TTC28: variants seen among roughly 807,000 people sequenced by gnomAD.
TTC28 encodes tetratricopeptide repeat domain 28, also known as tetratricopeptide repeat protein 28.
In TTC28, 61 loss-of-function variants were observed where a neutral mutation model predicts 198.0. That is an observed-to-expected ratio of 0.31 (90% CI 0.25 to 0.38). The LOEUF (loss-of-function observed/expected upper bound fraction) is 0.38. Ranked by LOEUF, TTC28 falls within the 10% of genes least tolerant of loss-of-function variation. The pLI, the probability that TTC28 is intolerant of heterozygous loss-of-function variation, is 1.00. For synonymous variants in TTC28, 1,171 were observed against 1,297.8 expected (o/e 0.90, Z 2.10); for missense variants, 2,678 against 3,164.0 (o/e 0.85, Z 3.69).
intron 2 of TTC28, among the ~76,000 whole-genome samples, chr22:28,412,721 T>C (rs1032550526): frequency 6.6e-6 from 1 of 152,248 alleles, no homozygotes; most frequent in Non-Finnish European, 1.5e-5. Context: ...ATTTCACAAT[T>C]TCAGCATGGA....
At chr22:28,466,086 T>C (rs970515773) in intron 2 of TTC28, among the ~76,000 whole-genome samples, 1 of 152,222 alleles carries the variant, frequency 6.6e-6, no homozygotes, top group African/African-American at 2.4e-5. Context: ...ACTACAGAGT[T>C]TATTGCTAAG....
intron 1 of TTC28, among the ~76,000 whole-genome samples, chr22:28,653,774 G>A (rs2051600876): frequency 6.6e-6 from 1 of 152,010 alleles, no homozygotes; most frequent in African/African-American, 2.4e-5. Context: ...CCTTTTGTTA[G>A]CTCCCTTATA....
intron 2 of TTC28, among the ~76,000 whole-genome samples, chr22:28,335,166 G>C (rs1465529081): frequency 6.6e-6 from 1 of 152,154 alleles, no homozygotes; most frequent in Non-Finnish European, 1.5e-5. Flanking sequence ...GAGAGTCATA[G>C]ATATGTGGCA....
Position 27,983,455 on chromosome 22 carries a change from T to G in TTC28, c.6212A>C (p.Gln2071Pro). 1 of 1,545,902 alleles carries G rather than the reference T, an allele frequency of 6.5e-7. No homozygotes were observed. The highest frequency in any genetic ancestry group is 1.4e-5 in the African/African-American group (1 of 72,470). ...IISNEPLATY[Q>P]ENRNTCFSPD... is the part of the protein sequence containing the mutation. ...TGAGAAGCATGTGTTTCGGTTTTCT[T>G]GGTAGGTCGCCAAGGGCTCGTTACT... The change falls in exon 23 of 23, where the codon CAA becomes CCA. Residue 2071 changes from glutamine (Q) to proline (P), a missense_variant. Physicochemically the swap from Gln to Pro is moderately conservative, Grantham distance 76 (BLOSUM62 -1). Around this residue, in one of 8 missense-constraint regions of TTC28, gnomAD observed 622 missense variants for 656.0 expected, o/e 0.95. Transcript: ENST00000397906.
chr22:28,127,510 T>C lies in TTC28; in HGVS notation c.1442-19107A>G, dbSNP rs181033513. The stretch of plus-strand genomic sequence containing the variant: ...CTGTCCAATAACATAGCTGAGCACT[T>C]GAAATGTGGCTAGTCCAAACTGAGA... On this transcript the variant is annotated intron_variant, in intron 6 of 22. Transcript: ENST00000397906. 1.8e-4 allele frequency among the ~76,000 whole-genome samples: 28 copies of C among 152,290 alleles called. No homozygotes were observed. The East Asian group carries it at 4.6e-3, about 25-fold the overall frequency.
chr22:28,001,675 T>G (rs1937700187), intron 14 of TTC28, 122 bp from the exon 15 acceptor site: 2 of 1,203,126 alleles, frequency 1.7e-6, no homozygotes, highest in Non-Finnish European at 2.3e-6. Context: ...CCTGTGGGGG[T>G]GTGGGGCGCC....
chr22:28,433,585 ATT>A (rs1435921079), intron 2 of TTC28, among the ~76,000 whole-genome samples: 1 of 152,220 alleles, frequency 6.6e-6, no homozygotes, highest in Non-Finnish European at 1.5e-5. Flanking sequence ...AATAAATAAT[ATT>A]TGTGTCACTA....
intron 2 of TTC28, among the ~76,000 whole-genome samples, chr22:28,346,459 G>A (rs545372373): frequency 3.9e-5 from 6 of 152,140 alleles, no homozygotes; most frequent in Non-Finnish European, 8.8e-5. Context: ...TAAGACAGGT[G>A]ACACCAGCTC....
intron 12 of TTC28, among the ~76,000 whole-genome samples, chr22:28,060,824 T>G (rs1426919389): frequency 6.6e-6 from 1 of 152,180 alleles, no homozygotes; most frequent in Non-Finnish European, 1.5e-5. Context: ...ACCTGTTGTT[T>G]ACAGTACACC....
At position 28,105,529 on chromosome 22, in the gene TTC28, G is replaced by A. The variant is rs1942268821; in HGVS notation, c.3057C>T (p.Tyr1019=). The A allele has an allele frequency of 6.4e-7, 1 of 1,551,626 alleles. No homozygotes were observed. Among genetic ancestry groups the A allele is most frequent in the Admixed American group, 2.0e-5 (1 of 50,990 alleles). Residue 1019 remains tyrosine, a synonymous_variant, in exon 8 of 23, where the codon TAC becomes TAT. Coordinates refer to ENST00000397906, the MANE Select transcript of TTC28 (RefSeq NM_001145418.2). ...CTGCTATCTGTAGATCAAGCTGGTGGTACTGCAGGGCTGTGTCATACTCCC... is the reference window on the plus strand; with the variant it reads ...CTGCTATCTGTAGATCAAGCTGGTGATACTGCAGGGCTGTGTCATACTCCC... ...QMGEYDTALQ[Y]HQLDLQIAEE...
chr22:28,678,145 C>T (rs2052032102), intron 1 of TTC28, among the ~76,000 whole-genome samples: 1 of 152,086 alleles, frequency 6.6e-6, no homozygotes, highest in African/African-American at 2.4e-5. Flanking sequence ...AAGAAACATG[C>T]ATATTTTAAT....
At chr22:28,207,918 C>A (rs561945115) in intron 5 of TTC28, among the ~76,000 whole-genome samples, 1 of 152,128 alleles carries the variant, frequency 6.6e-6, no homozygotes, top group Non-Finnish European at 1.5e-5. Flanking sequence ...TATGGCAGAA[C>A]TTGACTCGCA....
intron 1 of TTC28, among the ~76,000 whole-genome samples, chr22:28,672,860 G>A (rs1430983563): frequency 3.9e-5 from 6 of 152,204 alleles, no homozygotes; most frequent in Non-Finnish European, 8.8e-5. Flanking sequence ...TAGCTATACT[G>A]CCCCTAGGCA....
intron 2 of TTC28, among the ~76,000 whole-genome samples, chr22:28,359,965 C>T (rs2046134269): frequency 6.6e-6 from 1 of 152,082 alleles, no homozygotes; most frequent in Non-Finnish European, 1.5e-5. Flanking sequence ...CCTACCCCAC[C>T]CCACCCTGCC....
At chr22:28,022,279 G>A (rs1938641785) in intron 13 of TTC28, among the ~76,000 whole-genome samples, 1 of 152,212 alleles carries the variant, frequency 6.6e-6, no homozygotes, top group South Asian at 2.1e-4. Context: ...TGAAGACCCT[G>A]TCCCCAGGTC....
intron 2 of TTC28, among the ~76,000 whole-genome samples, chr22:28,394,700 C>T (rs923347443): frequency 6.6e-6 from 1 of 152,176 alleles, no homozygotes; most frequent in Non-Finnish European, 1.5e-5. Flanking sequence ...GTTTTCTATT[C>T]AGTTTCACAG....
chr22:28,101,397 ACT>A (rs1942148193), intron 8 of TTC28, 117 bp from the exon 9 acceptor site: 1 of 860,000 alleles, frequency 1.2e-6, no homozygotes, highest in East Asian at 2.8e-5. Flanking sequence ...ACAGGGTCTC[ACT>A]CTGTTCCCCA....
At chr22:28,039,341 TA>T (rs1366543550) in intron 12 of TTC28, among the ~76,000 whole-genome samples, 2 of 151,952 alleles carry the variant, frequency 1.3e-5, no homozygotes, top group African/African-American at 4.8e-5. Context: ...TATGCAGCCA[TA>T]AAAAAGGATG....
chr22:28,237,186 C>G (rs1929313155), intron 5 of TTC28, among the ~76,000 whole-genome samples: 1 of 152,124 alleles, frequency 6.6e-6, no homozygotes, highest in East Asian at 1.9e-4. Flanking sequence ...CCACCCTTTT[C>G]TCTCCCTTTT....
Sources: allele counts gnomAD v4.1 joint callset (sites outside exome capture counted in the v4.1 genomes callset), GRCh38; gene constraint gnomAD v4.1.1; regional missense constraint gnomAD v4.1.1; transcripts MANE v1.5; gene names NCBI Gene and HGNC (gene_info 2026-07-23, HGNC 2026-07-21).